HACD2: variants seen among roughly 807,000 people sequenced by gnomAD.
HACD2 encodes the protein 3-hydroxyacyl-CoA dehydratase 2, also known as very-long-chain (3R)-3-hydroxyacyl-CoA dehydratase 2.
A neutral mutation model predicts 31.0 loss-of-function variants in HACD2; 15 were observed. That is an observed-to-expected ratio of 0.48 (90% CI 0.32 to 0.75). The LOEUF is 0.75. Ranked by LOEUF, HACD2 falls within the 30% of genes least tolerant of loss-of-function variation. HACD2 has a pLI of 0.03. For synonymous variants in HACD2, 115 were observed against 122.2 expected (o/e 0.94, Z 0.39); for missense variants, 283 against 313.0 (o/e 0.90, Z 0.72).
intron 4 of HACD2, among the ~76,000 whole-genome samples, chr3:123,513,682 C>T (rs2056096157): frequency 6.6e-6 from 1 of 152,188 alleles, no homozygotes; most frequent in South Asian, 2.1e-4. Context: ...ACAGCAACCG[C>T]ATGTCTCCTT....
chr3:123,512,794 T>G (rs1241902044), intron 4 of HACD2, among the ~76,000 whole-genome samples: 1 of 152,202 alleles, frequency 6.6e-6, no homozygotes, highest in Non-Finnish European at 1.5e-5. Context: ...CACACACAGC[T>G]ATATAAATAC....
At chr3:123,527,803 G>A (rs1391490916) in intron 4 of HACD2, among the ~76,000 whole-genome samples, 1 of 152,220 alleles carries the variant, frequency 6.6e-6, no homozygotes, top group Non-Finnish European at 1.5e-5. Flanking sequence ...TAAATGCTTA[G>A]TAAATATGTA....
chr3:123,575,110 ATT>A (rs34388496), intron 2 of HACD2, among the ~76,000 whole-genome samples: 25 of 143,572 alleles, frequency 1.7e-4, no homozygotes, highest in African/African-American at 2.6e-4. Flanking sequence ...AAGAATTTTC[ATT>A]TTTTTTTTTT....
rs112034165 is a variant in HACD2 at position 123,537,578 on chromosome 3, TACACATACAC to T, written c.293-9114_293-9105del. 0.024 allele frequency among the ~76,000 whole-genome samples: 3,531 copies of T among 144,386 alleles called. 222 individuals are homozygous for T. The East Asian group carries it at 0.26, about 10-fold the overall frequency. 94.7% of individuals were successfully genotyped at this position (144,386 alleles called of 152,430 possible). A position where few individuals can be genotyped will look rare whatever the true frequency, so the allele number is the denominator to read the frequency against. On this transcript the variant is annotated intron_variant, in intron 3 of 6. Coordinates refer to ENST00000383657, the MANE Select transcript of HACD2 (RefSeq NM_198402.5). ...GACCCTATCTCAAAACAACAACAAA[TACACATACAC>T]ACACACACACACACACACACACGGT... is the stretch of plus-strand genomic sequence containing the variant.
At chr3:123,524,288 T>C (rs1325594622) in intron 4 of HACD2, among the ~76,000 whole-genome samples, 1 of 152,172 alleles carries the variant, frequency 6.6e-6, no homozygotes, top group African/African-American at 2.4e-5. Context: ...CTGTATCAAG[T>C]GTAAGGTGGG....
At position 123,567,773 on chromosome 3, in the gene HACD2, T is replaced by G. The variant is rs1333206814; in HGVS notation, c.281A>C (p.His94Pro). 1 of 1,504,362 alleles carries G rather than the reference T, an allele frequency of 6.6e-7. No individual in the cohort carries two copies. Among genetic ancestry groups the G allele is most frequent in the Non-Finnish European group, 8.9e-7 (1 of 1,117,580 alleles). The allele number at this position is 1,504,362 out of a possible 1,614,324, so 93.2% of individuals were successfully genotyped here. Residue 94 changes from histidine (H) to proline (P), a missense_variant, in exon 3 of 7, where the codon CAT becomes CCT. By Grantham distance (77) the His-to-Pro change is moderately conservative. Transcript: ENST00000383657. ...FQTGALLEIL[H>P]CAIGIVPSSV... Reference sequence around the variant, plus strand: ...ATATCCATACTTACCTATAGCACAATGTAAAATCTAGAGGAAAAAAGGGGA... The same window carrying G: ...ATATCCATACTTACCTATAGCACAAGGTAAAATCTAGAGGAAAAAAGGGGA...
intron 6 of HACD2, among the ~76,000 whole-genome samples, chr3:123,496,783 C>G (rs185519219): frequency 2.6e-5 from 4 of 152,218 alleles, no homozygotes; most frequent in African/African-American, 7.2e-5. Context: ...TGGGCATGCA[C>G]AAGACCTTCC....
intron 3 of HACD2, among the ~76,000 whole-genome samples, chr3:123,561,164 G>A (rs2056725190): frequency 6.6e-6 from 1 of 152,134 alleles, no homozygotes; most frequent in African/African-American, 2.4e-5. Context: ...TTTTTGGTAG[G>A]AAGAGGGGTG....
At chr3:123,516,136 C>T (rs186978461) in intron 4 of HACD2, among the ~76,000 whole-genome samples, 3 of 152,002 alleles carry the variant, frequency 2.0e-5, no homozygotes, top group African/African-American at 7.2e-5. Context: ...TGATAAAGTG[C>T]CTGCTAAACA....
chr3:123,513,794 C>T (rs1448048694), intron 4 of HACD2, among the ~76,000 whole-genome samples: 2 of 151,954 alleles, frequency 1.3e-5, no homozygotes, highest in East Asian at 1.9e-4. Context: ...TTGGACGGTT[C>T]GTGGAATTTG....
chr3:123,527,686 T>C (rs1031032777), intron 4 of HACD2, among the ~76,000 whole-genome samples: 2 of 152,250 alleles, frequency 1.3e-5, no homozygotes, highest in African/African-American at 4.8e-5. Flanking sequence ...TGCTAAGTCC[T>C]ACAGTAGGAA....
At position 123,494,373 on chromosome 3, in the gene HACD2, A is replaced by T. The variant is rs1257537838; in HGVS notation, c.*515T>A. 1 of 162,602 alleles carries T rather than the reference A, an allele frequency of 6.1e-6. No homozygotes were observed. The highest frequency in any genetic ancestry group is 1.3e-5 in the Non-Finnish European group (1 of 76,080). The allele number at this position is 162,602 out of a possible 1,614,324, so 10.1% of individuals were successfully genotyped here. ...CATTAGATGTGAGGGGATAGGTCCC[A>T]GCCATAACTTCAGAGCATTCCAGAG... On this transcript the variant is annotated 3_prime_UTR_variant, in exon 7 of 7. Coordinates refer to ENST00000383657, the MANE Select transcript of HACD2 (RefSeq NM_198402.5).
intron 4 of HACD2, among the ~76,000 whole-genome samples, chr3:123,514,790 AATG>A (rs2056112434): frequency 6.6e-6 from 1 of 152,216 alleles, no homozygotes; most frequent in African/African-American, 2.4e-5. Flanking sequence ...TTGGGATAAT[AATG>A]ATGATTAAGA....
intron 3 of HACD2, 51 bp from the exon 4 acceptor site, chr3:123,528,525 T>A: frequency 9.4e-7 from 1 of 1,059,024 alleles, no homozygotes. Flanking sequence ...TAAGTTTCGA[T>A]ATATAATATA....
At chr3:123,519,581 G>A (rs574841313) in intron 4 of HACD2, among the ~76,000 whole-genome samples, 3 of 152,274 alleles carry the variant, frequency 2.0e-5, no homozygotes, top group East Asian at 1.9e-4. Context: ...TTCACTGTGC[G>A]TGACAACTAT....
In HACD2 at chr3:123,492,213, T is replaced by C. The variant is rs1257799570; in HGVS notation, c.*2675A>G. The stretch of plus-strand genomic sequence containing the variant: ...CAGTCTGTGCTGACAAAAGCACTAC[T>C]GCGGACCTCAAAGAATTCTCTGTCA... On this transcript the variant is annotated 3_prime_UTR_variant, in exon 7 of 7. Coordinates refer to ENST00000383657, the MANE Select transcript of HACD2 (RefSeq NM_198402.5). 6.6e-6 allele frequency: 1 copy of C among 152,244 alleles called. No homozygotes were observed. Among genetic ancestry groups the C allele is most frequent in the Non-Finnish European group, 1.5e-5 (1 of 68,054 alleles). 9.4% of individuals were successfully genotyped at this position (152,244 alleles called of 1,614,324 possible).
intron 3 of HACD2, 27 bp downstream of exon 3, chr3:123,567,735 A>G (rs1157725339): frequency 3.6e-6 from 5 of 1,400,414 alleles, no homozygotes; most frequent in Non-Finnish European, 4.8e-6. Context: ...TTCACTGTAC[A>G]TAGTAGGGGG....
At chr3:123,536,787 G>A (rs1452898871) in intron 3 of HACD2, among the ~76,000 whole-genome samples, 1 of 152,118 alleles carries the variant, frequency 6.6e-6, no homozygotes, top group Non-Finnish European at 1.5e-5. Context: ...AGGCAATGAA[G>A]CAACACTATA....
At chr3:123,554,647 G>A (rs1453794422) in intron 3 of HACD2, among the ~76,000 whole-genome samples, 2 of 152,036 alleles carry the variant, frequency 1.3e-5, no homozygotes, top group Non-Finnish European at 1.5e-5. Context: ...AACTATGAAC[G>A]AGCTTAACTC....
Sources: allele counts gnomAD v4.1 joint callset (sites outside exome capture counted in the v4.1 genomes callset), GRCh38; gene constraint gnomAD v4.1.1; transcripts MANE v1.5; gene names NCBI Gene and HGNC (gene_info 2026-07-23, HGNC 2026-07-21).